TMEM131: variants seen among roughly 807,000 people sequenced by gnomAD.
The protein encoded by TMEM131 is transmembrane protein 131, also known as 2610524E03Rik.
A neutral mutation model predicts 211.6 loss-of-function variants in TMEM131; 66 were observed. The ratio of observed to expected loss-of-function variants is 0.31; its 90% CI spans 0.26 to 0.38. The LOEUF (loss-of-function observed/expected upper bound fraction) is 0.38, where lower values mean the gene tolerates loss of function less well. Ranked by LOEUF, TMEM131 falls within the 10% of genes least tolerant of loss-of-function variation. TMEM131 has a pLI of 1.00. For synonymous variants in TMEM131, 844 were observed against 841.3 expected, an observed-to-expected ratio of 1.00 and a Z score of -0.06; for missense variants, 2,036 against 2,299.3, an observed-to-expected ratio of 0.89 and a Z score of 2.34.
chr2:97,920,625 CACATTTCT>C (rs1676701042), intron 2 of TMEM131, among the ~76,000 whole-genome samples: 1 of 152,000 alleles, frequency 6.6e-6, no homozygotes. Flanking sequence ...TAAAAGCAAC[CACATTTCT>C]ACATTTTATG....
At chr2:97,851,747 C>A (rs1458138373) in intron 5 of TMEM131, among the ~76,000 whole-genome samples, 5 of 152,164 alleles carry the variant, frequency 3.3e-5, no homozygotes, top group African/African-American at 1.2e-4. Context: ...AAGCTTAAAT[C>A]GAAAAATGTT....
chr2:97,781,120 G>T (rs1187277355), intron 31 of TMEM131, among the ~76,000 whole-genome samples: 1 of 152,164 alleles, frequency 6.6e-6, no homozygotes, highest in Non-Finnish European at 1.5e-5. Context: ...CCCTGAGATT[G>T]CCCCTTTCCA....
intron 33 of TMEM131, among the ~76,000 whole-genome samples, chr2:97,771,191 CT>C (rs1679447697): frequency 6.6e-6 from 1 of 152,178 alleles, no homozygotes; most frequent in Admixed American, 6.5e-5. Flanking sequence ...GTCACTTGAA[CT>C]AACAATTGCC....
chr2:97,838,589 C>T (rs926668507), intron 7 of TMEM131, among the ~76,000 whole-genome samples: 1 of 151,918 alleles, frequency 6.6e-6, no homozygotes, highest in Non-Finnish European at 1.5e-5. Flanking sequence ...GGATTACAGG[C>T]ACATGCCTCC....
At chr2:97,827,132 G>T in intron 11 of TMEM131, 16 of 477,706 alleles carry the variant, frequency 3.3e-5, no homozygotes, top group East Asian at 1.6e-4. Flanking sequence ...ACAAAAGTTT[G>T]CTAAAAGTTA....
chr2:97,814,248 T>G lies in TMEM131; in HGVS notation c.1433A>C (p.Lys478Thr). ...TCCTGGACATACTTTAAACATTGTT[T>G]TGGCTTCTTCTGGTAGCAACACATC... ...IHDVLLPEEA[K>T]TMFKVHNFSK... The change falls in exon 14 of 41, where the codon AAA (lysine) becomes ACA (threonine). Residue 478 changes from lysine to threonine, a missense_variant. This residue lies in a region of TMEM131 where 1,623 missense variants were observed against 1,805.9 expected (regional missense o/e 0.90). Coordinates refer to ENST00000186436, the MANE Select transcript of TMEM131 (RefSeq NM_015348.2). The G allele has an allele frequency of 6.2e-7, 1 of 1,613,736 alleles. No individual in the cohort carries two copies. The highest frequency in any genetic ancestry group is 8.5e-7 in the Non-Finnish European group (1 of 1,179,774).
intron 3 of TMEM131, among the ~76,000 whole-genome samples, chr2:97,899,820 T>C (rs746833574): frequency 6.6e-5 from 10 of 152,172 alleles, no homozygotes; most frequent in Non-Finnish European, 1.2e-4. Flanking sequence ...TTTTAAAATA[T>C]GTACACATTG....
chr2:97,799,845 C>T (rs1680942332), intron 25 of TMEM131, among the ~76,000 whole-genome samples: 1 of 152,112 alleles, frequency 6.6e-6, no homozygotes, highest in Admixed American at 6.5e-5. Flanking sequence ...ATTTTCATTA[C>T]ATACTTCGAT....
chr2:97,766,345 G>T, intron 34 of TMEM131, 82 bp from the exon 35 acceptor site: 1 of 1,600,922 alleles, frequency 6.2e-7, no homozygotes, highest in Non-Finnish European at 8.5e-7. Context: ...CTTCTAATGA[G>T]GACAAGAACA....
chr2:97,810,195 C>G (rs763895809), intron 18 of TMEM131, among the ~76,000 whole-genome samples: 3 of 151,522 alleles, frequency 2.0e-5, no homozygotes, highest in Non-Finnish European at 4.4e-5. Flanking sequence ...TTTTTTGATA[C>G]AGAAATAGAC....
intron 11 of TMEM131, chr2:97,827,461 G>T: frequency 9.7e-7 from 1 of 1,031,208 alleles, no homozygotes; most frequent in Non-Finnish European, 1.5e-6. Flanking sequence ...AGAAACTAAA[G>T]AAGATTTACC....
intron 1 of TMEM131, among the ~76,000 whole-genome samples, chr2:97,983,699 A>G (rs1294965288): frequency 2.0e-5 from 3 of 152,192 alleles, no homozygotes; most frequent in Admixed American, 2.0e-4. Context: ...CACTAGAAGC[A>G]GGGAGCTCTC....
In TMEM131 at chr2:97,759,674, T is replaced by C; in HGVS notation, c.5184A>G (p.Gly1728=). ...FTPLNSFSAF[G]NSFNLTGEVF... ...CACCACCAGTTAGATTAAAAGAGTT[T>C]CCAAAGGCGGAGAACGAATTGAGGG... Residue 1728 remains glycine (G), a synonymous_variant, in exon 39 of 41, where the codon GGA becomes GGG. Coordinates refer to ENST00000186436, the MANE Select transcript of TMEM131 (RefSeq NM_015348.2). 1 of 1,613,504 alleles carries C rather than the reference T, an allele frequency of 6.2e-7. No homozygotes were observed. The highest frequency in any genetic ancestry group is 8.5e-7 in the Non-Finnish European group (1 of 1,179,712).
chr2:97,985,125 T>A (rs1679966855), intron 1 of TMEM131, among the ~76,000 whole-genome samples: 1 of 152,112 alleles, frequency 6.6e-6, no homozygotes, highest in Non-Finnish European at 1.5e-5. Context: ...ACATCTAACT[T>A]CAACCAACTA....
Position 97,757,309 on chromosome 2 carries a change from G to A in TMEM131, c.5442C>T (p.Ser1814=), listed in dbSNP as rs757819234. Residue 1814 remains serine (S), a synonymous_variant, in exon 41 of 41, where the codon AGC becomes AGT. Transcript: ENST00000186436. ...FSSSIWSSNL[S]SALPFTTPAN... ...CTGGAGTGGTGAAGGGAAGGGCGCTGCTAAGGTTGCTGGACCAAATGGAGC... is the reference window on the plus strand; with the variant it reads ...CTGGAGTGGTGAAGGGAAGGGCGCTACTAAGGTTGCTGGACCAAATGGAGC... The A allele has an allele frequency of 2.6e-5, 42 of 1,613,768 alleles. No individual in the cohort carries two copies. Among genetic ancestry groups the A allele is most frequent in the Non-Finnish European group, 3.4e-5 (40 of 1,179,862 alleles).
Position 97,859,414 on chromosome 2 carries a change from G to A in TMEM131, c.373C>T (p.Pro125Ser). Residue 125 changes from proline (P) to serine (S), a missense_variant, in exon 5 of 41, where the codon CCA becomes TCA. Around this residue, in one of 3 missense-constraint regions of TMEM131, gnomAD observed 277 missense variants for 378.0 expected, o/e 0.73. Transcript: ENST00000186436. ...TGTAAGTAGACTTTTTCCATTTTTG[G>A]CATTCCAACTGGTCTGTAAAACAAA... is the stretch of plus-strand genomic sequence containing the variant. Reference protein sequence around the residue: ...LDFHEQPVGMPKMEKVYLHNP... With the variant: ...LDFHEQPVGMSKMEKVYLHNP... 1.3e-6 allele frequency: 2 copies of A among 1,582,642 alleles called. No homozygotes were observed. The highest frequency in any genetic ancestry group is 1.7e-6 in the Non-Finnish European group (2 of 1,169,010).
At chr2:97,817,405 T>C (rs1004571254) in intron 12 of TMEM131, among the ~76,000 whole-genome samples, 39 of 152,322 alleles carry the variant, frequency 2.6e-4, no homozygotes, top group African/African-American at 8.7e-4. Context: ...CTGGCCAACA[T>C]GGTGAAACCC....
In TMEM131 at chr2:97,974,397, GGGA is replaced by G. The variant is rs141602131; in HGVS notation, c.187+21076_187+21078del. Among the ~76,000 whole-genome samples, 720 of 151,782 alleles carry G rather than the reference GGGA, an allele frequency of 4.7e-3. 7 individuals are homozygous for G. The highest frequency in any genetic ancestry group is 0.04 in the East Asian group (208 of 5,162). On this transcript the variant is annotated intron_variant, in intron 1 of 40. Transcript: ENST00000186436. ...GAACTGGAATCCTCAAAATGGGGTT[GGGA>G]GGAGGAGGAGGAGGAGGAGGACAGG...
intron 1 of TMEM131, among the ~76,000 whole-genome samples, chr2:97,953,733 C>T (rs1401605679): frequency 1.3e-5 from 2 of 152,168 alleles, no homozygotes; most frequent in African/African-American, 4.8e-5. Context: ...GTGGACCATG[C>T]ACCAGGACAG....
Sources: gnomAD v4.1 joint callset for allele counts (sites outside exome capture counted in the v4.1 genomes callset) on GRCh38, gnomAD v4.1.1 for gene constraint, gnomAD v4.1.1 regional missense constraint, MANE v1.5 for transcripts, NCBI Gene and HGNC (gene_info 2026-07-23, HGNC 2026-07-21) for gene names.